The following PARP16 variants were observed in gnomAD, a reference collection of about 807,000 sequenced individuals.
The protein encoded by PARP16 is protein mono-ADP-ribosyltransferase PARP16.
In PARP16, 31 loss-of-function variants were observed where a neutral mutation model predicts 35.0. The ratio of observed to expected loss-of-function variants is 0.88; its 90% CI spans 0.66 to 1.19. PARP16 has a LOEUF of 1.19. Among genes scored for constraint, PARP16 ranks in the 50% most tolerant of loss-of-function variants. The probability of loss-of-function intolerance (pLI) is 0.00; values close to 1 mark genes in which losing one functional copy is unlikely to be tolerated. For missense variants in PARP16, 424 were observed against 411.2 expected (o/e 1.03, Z -0.27); for synonymous variants, 162 against 169.5 (o/e 0.96, Z 0.34).
At chr15:65,248,258 C>T (rs758112959) in intron 2 of PARP16, 1 of 456,446 alleles carries the variant, frequency 2.2e-6, no homozygotes. Flanking sequence ...AGAACAAGTA[C>T]TTTAAAAATG....
At chr15:65,279,548 T>C (rs1161763124) in intron 1 of PARP16, among the ~76,000 whole-genome samples, 1 of 152,154 alleles carries the variant, frequency 6.6e-6, no homozygotes, top group African/African-American at 2.4e-5. Flanking sequence ...TCTGTATCCA[T>C]ATATTTTCAG....
At chr15:65,279,199 A>G (rs950616607) in intron 1 of PARP16, among the ~76,000 whole-genome samples, 7 of 143,126 alleles carry the variant, frequency 4.9e-5, no homozygotes, top group African/African-American at 1.7e-4. Flanking sequence ...GATGGTGATG[A>G]AGATAATACT....
intron 2 of PARP16, among the ~76,000 whole-genome samples, chr15:65,252,059 C>T (rs1226593233): frequency 6.6e-6 from 1 of 151,894 alleles, no homozygotes; most frequent in Admixed American, 6.6e-5. Context: ...CCACTGCACC[C>T]GGCCCACATG....
In PARP16 at chr15:65,261,017, T is replaced by C; in HGVS notation, c.701A>G (p.Glu234Gly). Residue 234 changes from glutamate (E) to glycine (G), a missense_variant, in exon 5 of 6, where the codon GAG (glutamate) becomes GGG (glycine). Physicochemically the swap from Glu to Gly is moderately conservative, Grantham distance 98. Coordinates refer to ENST00000649807, the MANE Select transcript of PARP16 (RefSeq NM_001316943.2). ...KCQTKKKDSK[E>G]IDRRRARIKH... Reference sequence around the variant, plus strand: ...GATTCTCGCTCGTCTGCGATCTATCTCCTTGGAATCTGAATAAGGAGAGTA... The same window carrying C: ...GATTCTCGCTCGTCTGCGATCTATCCCCTTGGAATCTGAATAAGGAGAGTA... The C allele has an allele frequency of 1.2e-6, 2 of 1,613,690 alleles. No individual in the cohort carries two copies. The highest frequency in any genetic ancestry group is 1.7e-6 in the Non-Finnish European group (2 of 1,179,802).
Position 65,260,976 on chromosome 15 carries a change from C to T in PARP16, c.742G>A (p.Gly248Arg), listed in dbSNP as rs1038303800. The T allele has an allele frequency of 1.9e-6, 3 of 1,613,712 alleles. No individual in the cohort carries two copies. Among genetic ancestry groups the T allele is most frequent in the Non-Finnish European group, 1.7e-6 (2 of 1,179,726 alleles). Residue 248 changes from glycine (G) to arginine (R), a missense_variant, in exon 5 of 6, where the codon GGA becomes AGA. By Grantham distance (125) the Gly-to-Arg change is moderately radical (BLOSUM62 -2). Transcript: ENST00000649807. ...ACGAAGTACTTGGGAGGGATGTCTC[C>T]CCCTTCACTATGTTTGATTCTCGCT... ...RRARIKHSEG[G>R]DIPPKYFVVT...
exon 3 of PARP16, chr15:65,248,164 C>T: frequency 2.2e-6 from 1 of 456,478 alleles, no homozygotes; most frequent in Non-Finnish European, 4.4e-6. Flanking sequence ...GTCCTGGGCC[C>T]ACCCTTTAGA....
chr15:65,266,297 T>C (rs2089888910), intron 3 of PARP16, among the ~76,000 whole-genome samples: 1 of 152,332 alleles, frequency 6.6e-6, no homozygotes, highest in East Asian at 1.9e-4. Context: ...TTTCAAACTA[T>C]AACCAGTGCA....
At chr15:65,249,696 A>C (rs2089303305) in intron 2 of PARP16, among the ~76,000 whole-genome samples, 1 of 152,262 alleles carries the variant, frequency 6.6e-6, no homozygotes, top group Non-Finnish European at 1.5e-5. Flanking sequence ...GGCTGCCAGC[A>C]GCCCCTGGAT....
At chr15:65,275,668 T>G (rs1458721473) in intron 1 of PARP16, among the ~76,000 whole-genome samples, 1 of 152,106 alleles carries the variant, frequency 6.6e-6, no homozygotes, top group Non-Finnish European at 1.5e-5. Context: ...AATGATCCTG[T>G]GAAGGACCCT....
intron 3 of PARP16, among the ~76,000 whole-genome samples, chr15:65,240,300 G>A (rs1359082315): frequency 1.3e-5 from 1 of 79,812 alleles, no homozygotes; most frequent in Non-Finnish European, 3.0e-5. Context: ...TGGCTAGTGT[G>A]TGTGTGTGTG....
intron 1 of PARP16, among the ~76,000 whole-genome samples, chr15:65,272,041 C>A (rs926925473): frequency 6.6e-6 from 1 of 152,250 alleles, no homozygotes; most frequent in African/African-American, 2.4e-5. Context: ...AGACCAGCCT[C>A]TGAGGAAAAT....
chr15:65,269,775 G>T (rs2090035569), intron 2 of PARP16, among the ~76,000 whole-genome samples: 1 of 152,138 alleles, frequency 6.6e-6, no homozygotes, highest in Non-Finnish European at 1.5e-5. Flanking sequence ...ATACCCCACA[G>T]TTTAAAAGAA....
chr15:65,262,209 T>C (rs566299414), intron 4 of PARP16, among the ~76,000 whole-genome samples: 4 of 151,710 alleles, frequency 2.6e-5, no homozygotes, highest in African/African-American at 9.7e-5. Flanking sequence ...GTTGGATTAC[T>C]GCAACCTCTG....
In PARP16 at chr15:65,259,449, G is replaced by T. The variant is rs753707339; in HGVS notation, c.927C>A (p.Asn309Lys). The T allele has an allele frequency of 1.9e-6, 3 of 1,614,140 alleles. No individual in the cohort carries two copies. The Admixed American group carries it at 5.0e-5, about 27-fold the overall frequency. The change falls in exon 6 of 6, where the codon AAC becomes AAA. Residue 309 changes from asparagine (N) to lysine (K), a missense_variant. By Grantham distance (94) the Asn-to-Lys change is moderately conservative (BLOSUM62 0). Coordinates refer to ENST00000649807, the MANE Select transcript of PARP16 (RefSeq NM_001316943.2). ...TCCAAAAGTGTTGGAAAGCAGAGGA[G>T]TTGATGACACTCACTATGAGCAGCA... ...LLLLLIVSVI[N>K]SSAFQHFWNR...
chr15:65,263,055 A>T, intron 4 of PARP16, 94 bp downstream of exon 4: 2 of 1,182,734 alleles, frequency 1.7e-6, no homozygotes, highest in Non-Finnish European at 2.4e-6. Flanking sequence ...ACCCTTGGGC[A>T]TGCAATGGGT....
At chr15:65,280,379 C>T (rs549194094) in intron 1 of PARP16, among the ~76,000 whole-genome samples, 5 of 147,374 alleles carry the variant, frequency 3.4e-5, no homozygotes, top group Non-Finnish European at 7.4e-5. Context: ...AGAGGTTGCA[C>T]TGAGCCAAGA....
chr15:65,255,816 C>A (rs2089491257), downstream of PARP16, among the ~76,000 whole-genome samples: 1 of 150,920 alleles, frequency 6.6e-6, no homozygotes. Flanking sequence ...GAATGAGAGG[C>A]CCACTCCTCA....
Position 65,286,717 on chromosome 15 carries a change from A to T in PARP16, c.-291T>A. On this transcript the variant is annotated 5_prime_UTR_variant, in exon 1 of 6. Transcript: ENST00000649807. ...AAAGGAACTGGGGCTGGTGGGGGGG[A>T]GGGGTTCCCGGCCTAGGGGAAGGGC... is the stretch of plus-strand genomic sequence containing the variant. 77 of 251,916 alleles carry T rather than the reference A, an allele frequency of 3.1e-4. No homozygotes were observed. The highest frequency in any genetic ancestry group is 1.2e-3 in the Middle Eastern group (1 of 808). 15.6% of individuals were successfully genotyped at this position (251,916 alleles called of 1,614,324 possible). A position where few individuals can be genotyped will look rare whatever the true frequency, so the allele number is the denominator to read the frequency against.
chr15:65,273,403 C>A (rs1354485796), intron 1 of PARP16, among the ~76,000 whole-genome samples: 1 of 151,678 alleles, frequency 6.6e-6, no homozygotes, highest in Non-Finnish European at 1.5e-5. Flanking sequence ...GGTGTGGGGG[C>A]TCATGCCTAT....
Sources: allele counts gnomAD v4.1 joint callset (sites outside exome capture counted in the v4.1 genomes callset), GRCh38; gene constraint gnomAD v4.1.1; transcripts MANE v1.5; gene names NCBI Gene and HGNC (gene_info 2026-07-23, HGNC 2026-07-21).